LTBP1: variants seen among roughly 807,000 people sequenced by gnomAD.
LTBP1 encodes latent-transforming growth factor beta-binding protein 1.
LTBP1 carries 129 observed loss-of-function variants against 207.6 expected under a neutral mutation model. The observed-to-expected ratio is 0.62, with a 90% CI of 0.54 to 0.72. The LOEUF is 0.72. Ranked by LOEUF, LTBP1 falls within the 30% of genes least tolerant of loss-of-function variation. The pLI is 0.00. For synonymous variants in LTBP1, 963 were observed against 833.7 expected (o/e 1.16, Z -2.67); for missense variants, 2,281 against 2,217.2 (o/e 1.03, Z -0.58).
At chr2:33,277,731 C>T (rs2093456833) in intron 18 of LTBP1, among the ~76,000 whole-genome samples, 1 of 147,252 alleles carries the variant, frequency 6.8e-6, no homozygotes, top group African/African-American at 2.5e-5. Context: ...CAACCCCCAA[C>T]AAAGAAGTCA....
chr2:33,165,007 A>T (rs913770840), intron 5 of LTBP1, among the ~76,000 whole-genome samples: 13 of 152,174 alleles, frequency 8.5e-5, no homozygotes, highest in Non-Finnish European at 2.9e-5. Flanking sequence ...GTGAAGAGGA[A>T]TTCTTTCAGA....
intron 9 of LTBP1, among the ~76,000 whole-genome samples, chr2:33,230,769 G>C (rs2091738878): frequency 6.6e-6 from 1 of 152,160 alleles, no homozygotes; most frequent in Non-Finnish European, 1.5e-5. Context: ...GAAAGTACTT[G>C]GGGAATCAGT....
At chr2:33,338,507 G>A (rs2149594114) in intron 24 of LTBP1, among the ~76,000 whole-genome samples, 1 of 152,270 alleles carries the variant, frequency 6.6e-6, no homozygotes, top group Non-Finnish European at 1.5e-5. Context: ...ATAAGTTGCT[G>A]ATGAGGTTAA....
At chr2:33,237,094 G>C (rs1287766882) in intron 9 of LTBP1, among the ~76,000 whole-genome samples, 1 of 152,112 alleles carries the variant, frequency 6.6e-6, no homozygotes, top group Non-Finnish European at 1.5e-5. Context: ...ATCACGAAGA[G>C]ACTCATACAA....
chr2:33,259,314 C>A (rs1200079848), intron 12 of LTBP1, among the ~76,000 whole-genome samples: 1 of 152,196 alleles, frequency 6.6e-6, no homozygotes, highest in Non-Finnish European at 1.5e-5. Context: ...GTATTGCCTT[C>A]TTCTTTTAAT....
chr2:33,213,799 C>A (rs1435008321), intron 7 of LTBP1, among the ~76,000 whole-genome samples: 3 of 152,156 alleles, frequency 2.0e-5, no homozygotes, highest in Non-Finnish European at 2.9e-5. Context: ...TGTGCAGACC[C>A]AGTTTCAAGA....
At chr2:33,182,121 A>C (rs1269882519) in intron 5 of LTBP1, among the ~76,000 whole-genome samples, 1 of 152,086 alleles carries the variant, frequency 6.6e-6, no homozygotes, top group Non-Finnish European at 1.5e-5. Context: ...CTGGACTTTT[A>C]TTGGTTGAAA....
chr2:33,180,212 A>G (rs1410492795), intron 5 of LTBP1, among the ~76,000 whole-genome samples: 2 of 152,188 alleles, frequency 1.3e-5, no homozygotes, highest in Non-Finnish European at 2.9e-5. Context: ...CAGATAATCA[A>G]GAATTGAAGA....
At chr2:33,256,724 C>CTACATATATATA (rs2092864295) in intron 11 of LTBP1, among the ~76,000 whole-genome samples, 1 of 68,840 alleles carries the variant, frequency 1.5e-5, no homozygotes, top group Admixed American at 1.5e-4. Context: ...GGAGGGCTAA[C>CTACATATATATA]TATATATATA....
At chr2:33,323,745 C>G (rs1310262863) in intron 24 of LTBP1, among the ~76,000 whole-genome samples, 1 of 152,206 alleles carries the variant, frequency 6.6e-6, no homozygotes, top group Non-Finnish European at 1.5e-5. Flanking sequence ...AAGGGACAGT[C>G]TGTAGCTCAT....
chr2:33,052,309 G>C (rs769742791), intron 3 of LTBP1, among the ~76,000 whole-genome samples: 4 of 152,220 alleles, frequency 2.6e-5, no homozygotes, highest in Non-Finnish European at 4.4e-5. Flanking sequence ...CTTTGAAGAG[G>C]TGTCCTCTAA....
chr2:33,379,669 C>A (rs536215338), intron 31 of LTBP1, among the ~76,000 whole-genome samples: 1 of 152,280 alleles, frequency 6.6e-6, no homozygotes, highest in Admixed American at 6.5e-5. Context: ...TGGCAGAATA[C>A]AAAGAAATCA....
At chr2:33,085,853 G>A (rs1173578403) in intron 3 of LTBP1, among the ~76,000 whole-genome samples, 1 of 152,118 alleles carries the variant, frequency 6.6e-6, no homozygotes, top group African/African-American at 2.4e-5. Flanking sequence ...CTGGCCACTG[G>A]GTGTGGTGGG....
rs372384322 is a variant in LTBP1, at chr2:32,993,823, G to T, written c.566-27086G>T. On this transcript the variant is annotated intron_variant, in intron 2 of 33. Coordinates refer to ENST00000404816, the MANE Select transcript of LTBP1 (RefSeq NM_206943.4). ...CCTAGGCCATTGGAACCAGCTCAGG[G>T]TCACATGGCACATGGCTCATTTGAG... 2.0e-5 allele frequency among the ~76,000 whole-genome samples: 3 copies of T among 152,290 alleles called. No individual in the cohort carries two copies. In the South Asian group the frequency reaches 6.2e-4, roughly 32 times the overall value.
chr2:33,310,358 ACAGTG>A (rs2094166099), intron 23 of LTBP1, among the ~76,000 whole-genome samples: 1 of 152,220 alleles, frequency 6.6e-6, no homozygotes, highest in Admixed American at 6.5e-5. Flanking sequence ...TCCAAACTGT[ACAGTG>A]CATGAAGGGT....
intron 2 of LTBP1, 123 bp from the exon 3 acceptor site, chr2:33,020,786 T>G: frequency 9.4e-5 from 86 of 910,254 alleles, no homozygotes; most frequent in Non-Finnish European, 1.3e-4. Flanking sequence ...TTCCTCCTTA[T>G]GAGTATTTGT....
intron 3 of LTBP1, chr2:33,056,278 T>C: frequency 1.7e-6 from 1 of 584,454 alleles, no homozygotes; most frequent in Non-Finnish European, 2.7e-6. Context: ...GATGCCTGAG[T>C]GTTTCCCATC....
At chr2:33,073,067 C>T (rs192092644) in intron 3 of LTBP1, among the ~76,000 whole-genome samples, 4 of 152,234 alleles carry the variant, frequency 2.6e-5, no homozygotes, top group East Asian at 3.9e-4. Context: ...TTGGCATTCA[C>T]GTGGTCATTG....
chr2:33,061,600 A>G (rs219079), intron 3 of LTBP1, among the ~76,000 whole-genome samples: 61,059 of 151,970 alleles, frequency 0.4, 13,876 homozygotes, highest in East Asian at 0.64. Flanking sequence ...TTACCATACT[A>G]TTTGTGGAAT....
Sources: allele counts gnomAD v4.1 joint callset (sites outside exome capture counted in the v4.1 genomes callset), GRCh38; gene constraint gnomAD v4.1.1; transcripts MANE v1.5; gene names NCBI Gene and HGNC (gene_info 2026-07-23, HGNC 2026-07-21).